Variants in MAP3K4 observed in about 807,000 individuals in gnomAD.
MAP3K4 encodes the protein mitogen-activated protein kinase kinase kinase 4.
Under a neutral mutation model 185.6 loss-of-function variants are expected in MAP3K4, and 67 were observed. The ratio of observed to expected loss-of-function variants is 0.36; its 90% confidence interval spans 0.30 to 0.44. The LOEUF is 0.44. Among genes scored for constraint, MAP3K4 ranks in the 20% least tolerant of loss-of-function variants. MAP3K4 has a pLI of 1.00. For synonymous variants in MAP3K4, 702 were observed against 710.4 expected (o/e 0.99, Z 0.19); for missense variants, 1,551 against 1,995.1 (o/e 0.78, Z 4.24).
intron 1 of MAP3K4, among the ~76,000 whole-genome samples, chr6:161,006,895 A>G (rs551185080): frequency 5.9e-5 from 9 of 152,332 alleles, no homozygotes; most frequent in African/African-American, 2.2e-4. Context: ...ATTTGAGCTC[A>G]AAGTAGACAA....
intron 3 of MAP3K4, among the ~76,000 whole-genome samples, chr6:161,057,714 G>A (rs1457728562): frequency 6.6e-6 from 1 of 152,166 alleles, no homozygotes. Context: ...AGATCATGCT[G>A]CTTAATACAG....
intron 10 of MAP3K4, among the ~76,000 whole-genome samples, chr6:161,089,038 T>A (rs1785885840): frequency 6.6e-6 from 1 of 151,910 alleles, no homozygotes; most frequent in South Asian, 2.1e-4. Flanking sequence ...TCACACACAC[T>A]CTGCACTGGC....
rs1783922502 is a variant in MAP3K4 at position 161,049,840 on chromosome 6, C to T, written c.1568C>T (p.Thr523Ile). The T allele has an allele frequency of 3.1e-6, 5 of 1,614,096 alleles. No homozygotes were observed. Among genetic ancestry groups the T allele is most frequent in the Non-Finnish European group, 3.4e-6 (4 of 1,179,998 alleles). Residue 523 changes from threonine to isoleucine, a missense_variant, in exon 3 of 27, where the codon ACT becomes ATT. This residue lies in a region of MAP3K4 where 126 missense variants were observed against 112.8 expected (regional missense o/e 1.12). Transcript: ENST00000392142. This position sits in a 1 kb window ranked among gnomAD's most constrained non-coding sequence, Gnocchi z 8.4. ...GCAGGCTTTAGTAGACATTGTCTGA[C>T]TTCTATTTATAGACCATTTGTAGAC... ...TEAGFSRHCLTSIYRPFVDKA... is the reference protein window; with the variant it reads ...TEAGFSRHCLISIYRPFVDKA...
chr6:161,029,778 T>C (rs1023489522), intron 1 of MAP3K4, among the ~76,000 whole-genome samples: 2 of 152,120 alleles, frequency 1.3e-5, no homozygotes, highest in African/African-American at 4.8e-5. Context: ...GGTTAGTTAA[T>C]TGAAATGATG....
In MAP3K4 at chr6:161,051,112, T is replaced by C. The variant is rs1004864506; in HGVS notation, c.1707+1133T>C. On this transcript the variant is annotated intron_variant, in intron 3 of 26. Coordinates refer to ENST00000392142, the MANE Select transcript of MAP3K4 (RefSeq NM_005922.4). The surrounding 1 kb of genome is among the most constrained non-coding windows in gnomAD (Gnocchi z 4.2). ...TTGGGGAATAATGGCAAGAAAAAAG[T>C]TTGTACATGTTTAATACAGATGTAG... Among the ~76,000 whole-genome samples the C allele has an allele frequency of 8.5e-5, 13 of 152,252 alleles. No individual in the cohort carries two copies. The highest frequency in any genetic ancestry group is 1.3e-4 in the Admixed American group (2 of 15,290).
rs562111413 is a variant in MAP3K4, at chr6:161,082,681, A to G, written c.2255+1643A>G. ...GCTGACTCCTTTGTTTCCTGCACAC[A>G]CTACCTCGACTCTTTTTGGGTGCCC... is the stretch of plus-strand genomic sequence containing the variant. On this transcript the variant is annotated intron_variant, in intron 6 of 26. Transcript: ENST00000392142. This position sits in a 1 kb window ranked among gnomAD's most constrained non-coding sequence, Gnocchi z 4.2. Among the ~76,000 whole-genome samples the G allele has an allele frequency of 1.3e-3, 199 of 152,234 alleles. 2 individuals carry two copies. Among genetic ancestry groups the G allele is most frequent in the African/African-American group, 4.5e-3 (189 of 41,552 alleles).
In MAP3K4 at chr6:161,076,981, T is replaced by G. The variant is rs192974147; in HGVS notation, c.2097+3369T>G. 1.3e-5 allele frequency among the ~76,000 whole-genome samples: 2 copies of G among 152,208 alleles called. No homozygotes were observed. Among genetic ancestry groups the G allele is most frequent in the African/African-American group, 4.8e-5 (2 of 41,452 alleles). On this transcript the variant is annotated intron_variant, in intron 5 of 26. Transcript: ENST00000392142. This position sits in a 1 kb window ranked among gnomAD's most constrained non-coding sequence, Gnocchi z 4.2. ...AAGGCACAGGTCTTTTGTGGACTGGTTAATTCGATTCAACTTTTTGTGGAG... is the reference window on the plus strand; with the variant it reads ...AAGGCACAGGTCTTTTGTGGACTGGGTAATTCGATTCAACTTTTTGTGGAG...
intron 6 of MAP3K4, 62 bp downstream of exon 6, chr6:161,081,100 C>T (rs918403555): frequency 3.9e-6 from 6 of 1,529,692 alleles, no homozygotes; most frequent in Non-Finnish European, 5.4e-6. Flanking sequence ...ACCATTTACT[C>T]ACTGATTCTC....
At chr6:161,046,175 T>C (rs1431531405) in intron 2 of MAP3K4, among the ~76,000 whole-genome samples, 1 of 152,196 alleles carries the variant, frequency 6.6e-6, no homozygotes, top group Non-Finnish European at 1.5e-5. Context: ...TATGTCATTT[T>C]GTGTTTCCCA....
chr6:161,058,602 G>A (rs748889086), intron 3 of MAP3K4, among the ~76,000 whole-genome samples: 6 of 152,070 alleles, frequency 3.9e-5, no homozygotes, highest in Non-Finnish European at 8.8e-5. Flanking sequence ...TTATCATCTG[G>A]TTTATATTTT....
intron 3 of MAP3K4, among the ~76,000 whole-genome samples, chr6:161,065,372 C>T (rs1237723401): frequency 1.3e-5 from 2 of 152,194 alleles, no homozygotes; most frequent in African/African-American, 4.8e-5. Flanking sequence ...GTGCTCTTCA[C>T]TGGAATAAGA....
intron 3 of MAP3K4, among the ~76,000 whole-genome samples, chr6:161,062,006 TTA>T (rs1203092984): frequency 6.6e-6 from 1 of 152,224 alleles, no homozygotes; most frequent in Non-Finnish European, 1.5e-5. Flanking sequence ...TTAAAACATT[TTA>T]TGTTTTATAC....
intron 1 of MAP3K4, among the ~76,000 whole-genome samples, chr6:161,003,612 C>G (rs546030171): frequency 4.6e-5 from 7 of 152,234 alleles, no homozygotes; most frequent in Non-Finnish European, 5.9e-5. Context: ...TGAAGACAGG[C>G]ACTGTGGCCT....
Position 161,063,445 on chromosome 6 carries a change from C to T in MAP3K4, c.1708-7163C>T, listed in dbSNP as rs375335120. ...TATTTTTAAACATGATACTTGTTTCCATGAACTTAAAGGAGAGAGGGAGTT... is the reference window on the plus strand; with the variant it reads ...TATTTTTAAACATGATACTTGTTTCTATGAACTTAAAGGAGAGAGGGAGTT... On this transcript the variant is annotated intron_variant, in intron 3 of 26. Transcript: ENST00000392142. The surrounding 1 kb of genome is among the most constrained non-coding windows in gnomAD (Gnocchi z 5.4). Among the ~76,000 whole-genome samples, 1 of 151,990 alleles carries T rather than the reference C, an allele frequency of 6.6e-6. No individual in the cohort carries two copies. Among genetic ancestry groups the T allele is most frequent in the Non-Finnish European group, 1.5e-5 (1 of 68,010 alleles).
Position 161,080,930 on chromosome 6 carries a change from C to T in MAP3K4, c.2147C>T (p.Pro716Leu), listed in dbSNP as rs1785423134. ...TGGATCCAAATGCTACAGCAATTAC[C>T]TCAAGCATCGCATAGTTTAAAAAAT... ...RSWIQMLQQLPQASHSLKNLL... is the reference protein window; with the variant it reads ...RSWIQMLQQLLQASHSLKNLL... Residue 716 changes from proline (P) to leucine (L), a missense_variant, in exon 6 of 27, where the codon CCT (proline) becomes CTT (leucine). This residue lies in a region of MAP3K4 where 130 missense variants were observed against 171.3 expected (regional missense o/e 0.76). Transcript: ENST00000392142. The surrounding 1 kb of genome is among the most constrained non-coding windows in gnomAD (Gnocchi z 4.8). The T allele has an allele frequency of 6.2e-7, 1 of 1,613,992 alleles. No homozygotes were observed. Among genetic ancestry groups the T allele is most frequent in the Non-Finnish European group, 8.5e-7 (1 of 1,179,954 alleles).
chr6:161,012,006 T>A (rs545096332), intron 1 of MAP3K4, among the ~76,000 whole-genome samples: 2 of 152,270 alleles, frequency 1.3e-5, no homozygotes, highest in South Asian at 4.2e-4. Context: ...CTCAGACAGC[T>A]TTTTGAGTTG....
Position 161,064,850 on chromosome 6 carries a change from G to A in MAP3K4, c.1708-5758G>A, listed in dbSNP as rs1303757388. Among the ~76,000 whole-genome samples, 1 of 152,202 alleles carries A rather than the reference G, an allele frequency of 6.6e-6. No homozygotes were observed. The highest frequency in any genetic ancestry group is 1.9e-4 in the East Asian group (1 of 5,188). Reference sequence around the variant, plus strand: ...CACGGCACGCCTACAGGCCGCTCATGCAGAGGTCAGGAAGTGCAGACAGGG... The same window carrying A: ...CACGGCACGCCTACAGGCCGCTCATACAGAGGTCAGGAAGTGCAGACAGGG... On this transcript the variant is annotated intron_variant, in intron 3 of 26. Transcript: ENST00000392142. This position sits in a 1 kb window ranked among gnomAD's most constrained non-coding sequence, Gnocchi z 4.3.
chr6:161,084,088 T>C lies in MAP3K4; in HGVS notation c.2256-413T>C, dbSNP rs1391938575. 6.6e-6 allele frequency among the ~76,000 whole-genome samples: 1 copy of C among 152,254 alleles called. No homozygotes were observed. The highest frequency in any genetic ancestry group is 1.5e-5 in the Non-Finnish European group (1 of 68,038). ...AGGATCAGCCAGATAGAGTGTTTCA[T>C]GTTTATTGACTATACAAAGCTAATT... On this transcript the variant is annotated intron_variant, in intron 6 of 26. Transcript: ENST00000392142. This position sits in a 1 kb window ranked among gnomAD's most constrained non-coding sequence, Gnocchi z 4.6.
chr6:161,068,781 A>G (rs140997681), intron 3 of MAP3K4, among the ~76,000 whole-genome samples: 120 of 152,372 alleles, frequency 7.9e-4, no homozygotes, highest in Non-Finnish European at 1.0e-3. Context: ...GTGGAAGGCC[A>G]TGAATGAGCA....
Sources: allele counts gnomAD v4.1 joint callset (sites outside exome capture counted in the v4.1 genomes callset), GRCh38; gene constraint gnomAD v4.1.1; regional missense constraint gnomAD v4.1.1; non-coding constraint Gnocchi (gnomAD v3.1); transcripts MANE v1.5; gene names NCBI Gene and HGNC (gene_info 2026-07-23, HGNC 2026-07-21).